GABBR2: variants seen among roughly 807,000 people sequenced by gnomAD.
GABBR2 encodes gamma-aminobutyric acid type B receptor subunit 2, also known as G-protein coupled receptor 51.
A neutral mutation model predicts 105.6 loss-of-function variants in GABBR2; 23 were observed. The ratio of observed to expected loss-of-function variants is 0.22; its 90% confidence interval spans 0.16 to 0.31. GABBR2 has a LOEUF of 0.31. Ranked by LOEUF, GABBR2 falls within the 10% of genes least tolerant of loss-of-function variation. The pLI is 1.00. For synonymous variants in GABBR2, 478 were observed against 499.7 expected, an observed-to-expected ratio of 0.96 and a Z score of 0.58; for missense variants, 734 against 1,245.5, an observed-to-expected ratio of 0.59 and a Z score of 6.18.
intron 1 of GABBR2, among the ~76,000 whole-genome samples, chr9:98,643,656 G>A (rs1265283503): frequency 3.3e-5 from 5 of 152,184 alleles, no homozygotes; most frequent in African/African-American, 4.8e-5. Flanking sequence ...TATTTTCCTT[G>A]GGGAACTGCC....
chr9:98,582,318 C>T lies in GABBR2; in HGVS notation c.322-4246G>A, dbSNP rs74495480. Among the ~76,000 whole-genome samples the T allele has an allele frequency of 5.8e-3, 886 of 152,176 alleles. 2 individuals are homozygous for T. The highest frequency in any genetic ancestry group is 0.02 in the African/African-American group (831 of 41,500). The stretch of plus-strand genomic sequence containing the variant: ...TTGTTGGTTTGAAGATGAAGAGGTC[C>T]ACGTGTCAAGAAAGCAGGGACCTCT... On this transcript the variant is annotated intron_variant, in intron 1 of 18. Coordinates refer to ENST00000259455, the MANE Select transcript of GABBR2 (RefSeq NM_005458.8).
intron 1 of GABBR2, among the ~76,000 whole-genome samples, chr9:98,652,752 G>A (rs1162299700): frequency 6.6e-6 from 1 of 152,244 alleles, no homozygotes; most frequent in African/African-American, 2.4e-5. Flanking sequence ...AGGCACTACA[G>A]GTGAGAAGAG....
At chr9:98,457,396 C>T (rs1253951662) in intron 6 of GABBR2, among the ~76,000 whole-genome samples, 5 of 152,176 alleles carry the variant, frequency 3.3e-5, no homozygotes, top group African/African-American at 9.7e-5. Context: ...TGGGTGGTAA[C>T]TGAGTGTAAT....
chr9:98,539,927 AAAAAAG>A (rs1191318353), intron 3 of GABBR2, among the ~76,000 whole-genome samples: 2 of 151,774 alleles, frequency 1.3e-5, no homozygotes, highest in African/African-American at 2.4e-5. Context: ...AAAAAAAAAA[AAAAAAG>A]AAAAAGAAAA....
At chr9:98,296,861 T>C (rs1830390742) in intron 17 of GABBR2, among the ~76,000 whole-genome samples, 1 of 151,796 alleles carries the variant, frequency 6.6e-6, no homozygotes. Context: ...GTACTTATCA[T>C]GGCTTTTGCA....
At position 98,618,324 on chromosome 9, in the gene GABBR2, C is replaced by T. The variant is rs557064833; in HGVS notation, c.322-40252G>A. On this transcript the variant is annotated intron_variant, in intron 1 of 18. Transcript: ENST00000259455. ...TAATCTTGACTTTGTGGGGATTGTT[C>T]GATCACAATAGTTGGGGGTTTGTGC... 4.6e-5 allele frequency among the ~76,000 whole-genome samples: 7 copies of T among 152,182 alleles called. No homozygotes were observed. The South Asian group carries it at 1.2e-3, about 27-fold the overall frequency.
intron 7 of GABBR2, among the ~76,000 whole-genome samples, chr9:98,440,709 C>T (rs1033986015): frequency 1.3e-5 from 2 of 152,234 alleles, no homozygotes; most frequent in African/African-American, 4.8e-5. Flanking sequence ...TTCTCTCCAT[C>T]ACGCAGGTCT....
intron 1 of GABBR2, among the ~76,000 whole-genome samples, chr9:98,628,431 C>G (rs1010218409): frequency 1.3e-5 from 2 of 152,194 alleles, no homozygotes; most frequent in Non-Finnish European, 2.9e-5. Context: ...GAAGTGACAG[C>G]CTTCCCTGGG....
chr9:98,400,512 T>G (rs1027264011), intron 8 of GABBR2, among the ~76,000 whole-genome samples: 1 of 152,124 alleles, frequency 6.6e-6, no homozygotes, highest in South Asian at 2.1e-4. Flanking sequence ...GACTCAGCAA[T>G]TCTGCTCTTG....
chr9:98,439,578 A>G (rs143994944), intron 7 of GABBR2, among the ~76,000 whole-genome samples: 1 of 152,394 alleles, frequency 6.6e-6, no homozygotes, highest in Non-Finnish European at 1.5e-5. Flanking sequence ...AGCTGTATAC[A>G]TGATGAATAT....
At chr9:98,314,755 G>T (rs936365040) in intron 13 of GABBR2, among the ~76,000 whole-genome samples, 1 of 152,194 alleles carries the variant, frequency 6.6e-6, no homozygotes, top group Non-Finnish European at 1.5e-5. Flanking sequence ...CAGGAGGGAA[G>T]ATCTACAGAG....
chr9:98,533,813 C>G lies in GABBR2; in HGVS notation c.630+8060G>C, dbSNP rs1283085076. On this transcript the variant is annotated intron_variant, in intron 3 of 18. Coordinates refer to ENST00000259455, the MANE Select transcript of GABBR2 (RefSeq NM_005458.8). ...ATGTTCCTGCCAAGAGAGAAGCCAGCATGGAGGTGTGGCTGGACCAAAGGG... is the reference window on the plus strand; with the variant it reads ...ATGTTCCTGCCAAGAGAGAAGCCAGGATGGAGGTGTGGCTGGACCAAAGGG... Among the ~76,000 whole-genome samples the G allele has an allele frequency of 3.9e-5, 6 of 152,176 alleles. No homozygotes were observed. In the East Asian group the frequency reaches 1.2e-3, roughly 29 times the overall value.
chr9:98,418,356 C>T (rs574744639), intron 7 of GABBR2, among the ~76,000 whole-genome samples: 184 of 152,020 alleles, frequency 1.2e-3, no homozygotes, highest in African/African-American at 4.2e-3. Flanking sequence ...GGCAACATAG[C>T]GAGACCCCGT....
chr9:98,503,879 A>G (rs964669392), intron 3 of GABBR2, among the ~76,000 whole-genome samples: 4 of 152,062 alleles, frequency 2.6e-5, no homozygotes, highest in Non-Finnish European at 5.9e-5. Flanking sequence ...TGCCTCCTAA[A>G]CCAATCAGAA....
At chr9:98,447,201 A>G (rs1041505412) in intron 7 of GABBR2, among the ~76,000 whole-genome samples, 5 of 139,550 alleles carry the variant, frequency 3.6e-5, no homozygotes, top group African/African-American at 1.3e-4. Flanking sequence ...AGCTGGGACT[A>G]CAGGCGCCCG....
intron 1 of GABBR2, among the ~76,000 whole-genome samples, chr9:98,596,470 T>C (rs997735368): frequency 1.3e-5 from 2 of 152,138 alleles, no homozygotes; most frequent in Non-Finnish European, 2.9e-5. Flanking sequence ...CACATTTATA[T>C]AGCTAAGAAG....
At chr9:98,320,949 G>A (rs1447726963) in intron 13 of GABBR2, among the ~76,000 whole-genome samples, 1 of 151,506 alleles carries the variant, frequency 6.6e-6, no homozygotes, top group Non-Finnish European at 1.5e-5. Context: ...TGCACAATGT[G>A]CACATGTACC....
chr9:98,649,124 T>G (rs1564141115), intron 1 of GABBR2, among the ~76,000 whole-genome samples: 1 of 152,182 alleles, frequency 6.6e-6, no homozygotes, highest in Non-Finnish European at 1.5e-5. Context: ...TTCTCCTGAT[T>G]CATCTCTCAG....
In GABBR2 at chr9:98,708,587, G is replaced by A; in HGVS notation, c.151C>T (p.Pro51Ser). The part of the protein sequence containing the change: ...GWARGAPRPP[P>S]SSPPLSIMGL... Reference sequence around the variant, plus strand: ...ATGATGGAGAGCGGCGGGCTGCTGGGCGGCGGCCGGGGGGCGCCCCGCGCC... The same window carrying A: ...ATGATGGAGAGCGGCGGGCTGCTGGACGGCGGCCGGGGGGCGCCCCGCGCC... The change falls in exon 1 of 19, where the codon CCC (proline) becomes TCC (serine). Residue 51 changes from proline (P) to serine (S), a missense_variant. Physicochemically the swap from Pro to Ser is moderately conservative, Grantham distance 74. Coordinates refer to ENST00000259455, the MANE Select transcript of GABBR2 (RefSeq NM_005458.8). 1 of 1,477,384 alleles carries A rather than the reference G, an allele frequency of 6.8e-7. No homozygotes were observed. The highest frequency in any genetic ancestry group is 2.3e-4 in the Middle Eastern group (1 of 4,330). The allele number at this position is 1,477,384 out of a possible 1,614,324, so 91.5% of individuals were successfully genotyped here. A position where few individuals can be genotyped will look rare whatever the true frequency, so the allele number is the denominator to read the frequency against.
Sources: gnomAD v4.1 joint callset for allele counts (sites outside exome capture counted in the v4.1 genomes callset) on GRCh38, gnomAD v4.1.1 for gene constraint, MANE v1.5 for transcripts, NCBI Gene and HGNC (gene_info 2026-07-23, HGNC 2026-07-21) for gene names.